Variants in SPINT1 observed in about 807,000 individuals in gnomAD.
SPINT1 encodes kunitz-type protease inhibitor 1.
Under a neutral mutation model 53.7 loss-of-function variants are expected in SPINT1, and 38 were observed. The observed-to-expected ratio is 0.71, with a 90% CI of 0.55 to 0.93. The LOEUF is 0.93. Among genes scored for constraint, SPINT1 ranks in the 40% least tolerant of loss-of-function variants. The pLI is 0.00. For missense variants in SPINT1, 645 were observed against 692.9 expected, an observed-to-expected ratio of 0.93 and a Z score of 0.78; for synonymous variants, 283 against 280.6, an observed-to-expected ratio of 1.01 and a Z score of -0.08.
At position 40,856,061 on chromosome 15, in the gene SPINT1, C is replaced by T. The variant is rs1316259159; in HGVS notation, c.1287C>T (p.Ser429=). The T allele has an allele frequency of 3.1e-6, 5 of 1,613,720 alleles. No homozygotes were observed. The highest frequency in any genetic ancestry group is 1.3e-5 in the African/African-American group (1 of 74,928). ...GCCTCGAGTCTTGTCGCGGCATCTC[C>T]AGTGAGTGGGCCAGTGAGAGGGTGG... The part of the protein sequence containing the change: ...QQCLESCRGI[S]KKDVFGLRRE... Residue 429 remains serine, a splice_region_variant and synonymous_variant, in exon 9 of 11, where the codon TCC becomes TCT. Transcript: ENST00000562057.
In SPINT1 at chr15:40,853,509, G is replaced by A; in HGVS notation, c.624G>A (p.Val208=). Residue 208 remains valine (V), a synonymous_variant, in exon 4 of 11, where the codon GTG becomes GTA. Transcript: ENST00000562057. The part of the protein sequence containing the change: ...VRVERKDPNQ[V]ELWGLKEGTY... ...TGCAGAGGAAAGACCCAAACCAGGT[G>A]GAACTGTGGGGACTCAAGGAAGGCA... The A allele has an allele frequency of 6.2e-7, 1 of 1,614,164 alleles. No homozygotes were observed. The highest frequency in any genetic ancestry group is 1.1e-5 in the South Asian group (1 of 91,086).
intron 2 of SPINT1, among the ~76,000 whole-genome samples, chr15:40,851,898 G>A (rs1344208227): frequency 1.3e-5 from 2 of 152,198 alleles, no homozygotes; most frequent in Non-Finnish European, 2.9e-5. Context: ...GTGCACACCT[G>A]TAATCCCAGC....
chr15:40,844,345 G>A lies in SPINT1; in HGVS notation c.-65-145G>A. The A allele has an allele frequency of 1.6e-6, 1 of 630,098 alleles. No homozygotes were observed. Among genetic ancestry groups the A allele is most frequent in the East Asian group, 2.8e-5 (1 of 35,656 alleles). The allele number at this position is 630,098 out of a possible 1,614,324, so 39.0% of individuals were successfully genotyped here. ...CTGCCGGGTCCCTGGAGGGCGCGTGGGAGGGCCGGGCCCGTGCGCCCTCTT... is the reference window on the plus strand; with the variant it reads ...CTGCCGGGTCCCTGGAGGGCGCGTGAGAGGGCCGGGCCCGTGCGCCCTCTT... On this transcript the variant is annotated intron_variant, in intron 1 of 10. Coordinates refer to ENST00000562057, the MANE Select transcript of SPINT1 (RefSeq NM_003710.4). The surrounding 1 kb of genome is among the most constrained non-coding windows in gnomAD (Gnocchi z 5.8).
chr15:40,844,823 C>G lies in SPINT1; in HGVS notation c.269C>G (p.Ala90Gly). 1 of 1,613,652 alleles carries G rather than the reference C, an allele frequency of 6.2e-7. No homozygotes were observed. Among genetic ancestry groups the G allele is most frequent in the Non-Finnish European group, 8.5e-7 (1 of 1,179,912 alleles). Residue 90 changes from alanine to glycine, a missense_variant, in exon 2 of 11, where the codon GCC (alanine) becomes GGC (glycine). Coordinates refer to ENST00000562057, the MANE Select transcript of SPINT1 (RefSeq NM_003710.4). This position sits in a 1 kb window ranked among gnomAD's most constrained non-coding sequence, Gnocchi z 5.8. ...TVRRGWDCVR[A>G]CCTTQNCNLA... ...CGCCGGGGCTGGGACTGCGTGCGCGCCTGCTGCACCACCCAGAACTGCAAC... is the reference window on the plus strand; with the variant it reads ...CGCCGGGGCTGGGACTGCGTGCGCGGCTGCTGCACCACCCAGAACTGCAAC...
chr15:40,845,081 G>A (rs993297271), intron 2 of SPINT1, 52 bp downstream of exon 2: 1 of 1,449,540 alleles, frequency 6.9e-7, no homozygotes, highest in Non-Finnish European at 9.4e-7. Flanking sequence ...AAAAGGGACT[G>A]GTTATGGGGT....
rs148571737 is a variant in SPINT1, at chr15:40,845,415, C to A, written c.475+386C>A. On this transcript the variant is annotated intron_variant, in intron 2 of 10. Transcript: ENST00000562057. ...GAACTTCTGAACTCAGGTGATCCAC[C>A]CACCTTGGCCTCCCAAAGTGCTGGG... is the stretch of plus-strand genomic sequence containing the variant. Among the ~76,000 whole-genome samples, 7 of 149,930 alleles carry A rather than the reference C, an allele frequency of 4.7e-5. No individual in the cohort carries two copies. In the East Asian group the frequency reaches 1.4e-3, roughly 29 times the overall value.
Position 40,854,643 on chromosome 15 carries a change from G to C in SPINT1, c.1071G>C (p.Thr357=). The C allele has an allele frequency of 1.2e-6, 2 of 1,614,170 alleles. No individual in the cohort carries two copies. Among genetic ancestry groups the C allele is most frequent in the Non-Finnish European group, 8.5e-7 (1 of 1,180,038 alleles). ...TCTGACCTTTCCTCTCTGCAGACAC[G>C]AGTGGCTTTGACGAGCTCCAGCGCA... ...ASDEAACEKY[T]SGFDELQRIH... Residue 357 remains threonine, a synonymous_variant, in exon 8 of 11, where the codon ACG becomes ACC. Coordinates refer to ENST00000562057, the MANE Select transcript of SPINT1 (RefSeq NM_003710.4).
intron 2 of SPINT1, among the ~76,000 whole-genome samples, chr15:40,852,043 A>G (rs569128354): frequency 2.0e-5 from 3 of 152,268 alleles, no homozygotes; most frequent in Admixed American, 6.5e-5. Context: ...AAACAAAACA[A>G]AAAAATTATT....
rs556928763 is a variant in SPINT1 at position 40,846,588 on chromosome 15, T to TA, written c.475+1564dup. 3.2e-4 allele frequency among the ~76,000 whole-genome samples: 48 copies of TA among 152,162 alleles called. 1 individual carries two copies. In the South Asian group the frequency reaches 1.0e-2, roughly 32 times the overall value. On this transcript the variant is annotated intron_variant, in intron 2 of 10. Coordinates refer to ENST00000562057, the MANE Select transcript of SPINT1 (RefSeq NM_003710.4). ...TTTTCACACAAGACCATCTCTCTGG[T>TA]AAAAACCTAGCATTCTGACCCAAAA...
In SPINT1 at chr15:40,853,507, G is replaced by A. The variant is rs1891525642; in HGVS notation, c.622G>A (p.Val208Met). The A allele has an allele frequency of 1.9e-6, 3 of 1,614,024 alleles. No individual in the cohort carries two copies. In the African/African-American group the frequency reaches 4.0e-5, roughly 22 times the overall value. The change falls in exon 4 of 11, where the codon GTG becomes ATG. Residue 208 changes from valine (V) to methionine (M), a missense_variant. Physicochemically the swap from Val to Met is conservative, Grantham distance 21. Coordinates refer to ENST00000562057, the MANE Select transcript of SPINT1 (RefSeq NM_003710.4). ...VRVERKDPNQ[V>M]ELWGLKEGTY... ...TGTGCAGAGGAAAGACCCAAACCAGGTGGAACTGTGGGGACTCAAGGAAGG... is the reference window on the plus strand; with the variant it reads ...TGTGCAGAGGAAAGACCCAAACCAGATGGAACTGTGGGGACTCAAGGAAGG...
chr15:40,854,714 G>A, intron 8 of SPINT1, 25 bp downstream of exon 8: 6 of 1,613,108 alleles, frequency 3.7e-6, no homozygotes, highest in Non-Finnish European at 4.2e-6. Flanking sequence ...AGGTGCCCTG[G>A]ATCAGGGCAG....
intron 2 of SPINT1, among the ~76,000 whole-genome samples, chr15:40,845,897 T>A (rs1349779136): frequency 1.3e-5 from 2 of 152,218 alleles, no homozygotes; most frequent in Non-Finnish European, 2.9e-5. Context: ...CCCCTAGGAA[T>A]GCATTGGCCT....
chr15:40,850,229 C>T (rs1206779285), intron 2 of SPINT1, among the ~76,000 whole-genome samples: 1 of 152,188 alleles, frequency 6.6e-6, no homozygotes, highest in Admixed American at 6.5e-5. Context: ...TGTGCCACCA[C>T]ACCCGGCTAA....
rs1891656359 is a variant in SPINT1, at chr15:40,856,800, T to C, written c.1367T>C (p.Leu456Pro). Residue 456 changes from leucine to proline, a missense_variant, in exon 11 of 11, where the codon CTG becomes CCG. Physicochemically the swap from Leu to Pro is moderately conservative, Grantham distance 98 (BLOSUM62 -3). Coordinates refer to ENST00000562057, the MANE Select transcript of SPINT1 (RefSeq NM_003710.4). ...GTGGAGATGGCTGTCGCAGTGTTCCTGGTCATCTGCATTGTGGTGGTGGTA... is the reference window on the plus strand; with the variant it reads ...GTGGAGATGGCTGTCGCAGTGTTCCCGGTCATCTGCATTGTGGTGGTGGTA... The part of the protein sequence containing the change: ...GSVEMAVAVF[L>P]VICIVVVVAI... 2 of 1,614,092 alleles carry C rather than the reference T, an allele frequency of 1.2e-6. No individual in the cohort carries two copies. Among genetic ancestry groups the C allele is most frequent in the African/African-American group, 2.7e-5 (2 of 74,932 alleles).
At chr15:40,846,339 CCTCTGTGAGCACTTTACAG>C (rs1332929378) in intron 2 of SPINT1, among the ~76,000 whole-genome samples, 1 of 152,148 alleles carries the variant, frequency 6.6e-6, no homozygotes, top group Non-Finnish European at 1.5e-5. Flanking sequence ...CCTCTCATAA[CCTCTGTGAGCACTTTACAG>C]CTTACTGATT....
chr15:40,855,100 G>T (rs992892001), intron 8 of SPINT1, among the ~76,000 whole-genome samples: 7 of 152,194 alleles, frequency 4.6e-5, no homozygotes, highest in Non-Finnish European at 7.3e-5. Flanking sequence ...GTTTTAGCTT[G>T]CCAGGCGTGG....
intron 2 of SPINT1, among the ~76,000 whole-genome samples, chr15:40,852,874 TAA>T (rs368479599): frequency 1.8e-4 from 20 of 111,634 alleles, no homozygotes; most frequent in African/African-American, 1.7e-4. Context: ...CCATCTCTAA[TAA>T]AAAAAAAAAA....
chr15:40,846,529 C>T (rs1438339380), intron 2 of SPINT1, among the ~76,000 whole-genome samples: 1 of 152,162 alleles, frequency 6.6e-6, no homozygotes, highest in Non-Finnish European at 1.5e-5. Flanking sequence ...GAGATTCACC[C>T]CAGGGGAGAC....
At chr15:40,847,917 C>T (rs983279943) in intron 2 of SPINT1, among the ~76,000 whole-genome samples, 17 of 151,952 alleles carry the variant, frequency 1.1e-4, no homozygotes, top group African/African-American at 3.6e-4. Flanking sequence ...GGGAGGACTG[C>T]GCTCCTCCCA....
Sources: gnomAD v4.1 joint callset for allele counts (sites outside exome capture counted in the v4.1 genomes callset) on GRCh38, gnomAD v4.1.1 for gene constraint, Gnocchi (gnomAD v3.1) non-coding constraint, MANE v1.5 for transcripts, NCBI Gene and HGNC (gene_info 2026-07-23, HGNC 2026-07-21) for gene names.